Variants in GRM7 observed in about 807,000 individuals in gnomAD.
The protein encoded by GRM7 is metabotropic glutamate receptor 7.
Under a neutral mutation model 84.5 loss-of-function variants are expected in GRM7, and 35 were observed. The ratio of observed to expected loss-of-function variants is 0.41; its 90% CI spans 0.32 to 0.55. GRM7 has a LOEUF of 0.55. Ranked by LOEUF, GRM7 falls within the 20% of genes least tolerant of loss-of-function variation. The pLI, the probability that GRM7 is intolerant of heterozygous loss-of-function variation, is 0.19. For missense variants in GRM7, 1,003 were observed against 1,194.6 expected (o/e 0.84, Z 2.36); for synonymous variants, 487 against 455.1 (o/e 1.07, Z -0.89).
At chr3:7,474,296 T>G (rs1698830224) in intron 7 of GRM7, among the ~76,000 whole-genome samples, 2 of 152,104 alleles carry the variant, frequency 1.3e-5, no homozygotes, top group South Asian at 4.1e-4. Flanking sequence ...CTGAAAGAAT[T>G]CATTTTTCTC....
intron 5 of GRM7, among the ~76,000 whole-genome samples, chr3:7,422,747 A>G (rs1220838621): frequency 6.6e-6 from 1 of 151,928 alleles, no homozygotes; most frequent in Non-Finnish European, 1.5e-5. Flanking sequence ...TATTATTATT[A>G]TTTTCTTTTT....
At chr3:7,718,663 G>C (rs375278560) in intron 9 of GRM7, among the ~76,000 whole-genome samples, 2 of 152,128 alleles carry the variant, frequency 1.3e-5, no homozygotes, top group African/African-American at 2.4e-5. Context: ...CAGAAGACCA[G>C]GCCTACCTGG....
intron 1 of GRM7, among the ~76,000 whole-genome samples, chr3:6,979,536 TA>T (rs34432411): frequency 0.048 from 7,344 of 152,176 alleles, 614 homozygotes; most frequent in African/African-American, 0.17. Flanking sequence ...TATTAACAGC[TA>T]AAAAAGTCAA....
chr3:7,075,930 CT>C (rs1173251953), intron 1 of GRM7, among the ~76,000 whole-genome samples: 1 of 145,554 alleles, frequency 6.9e-6, no homozygotes, highest in African/African-American at 2.8e-5. Context: ...ACAAAACTGA[CT>C]TTTAATTTTT....
intron 1 of GRM7, among the ~76,000 whole-genome samples, chr3:6,968,822 A>G (rs1016292988): frequency 6.6e-6 from 1 of 152,110 alleles, no homozygotes. Context: ...GCACTTAACC[A>G]TTGTTACCCA....
intron 2 of GRM7, among the ~76,000 whole-genome samples, chr3:7,232,986 G>C (rs1697242194): frequency 6.6e-6 from 1 of 152,136 alleles, no homozygotes; most frequent in Non-Finnish European, 1.5e-5. Context: ...GAGCTCGTCT[G>C]AACACAGACT....
chr3:7,367,348 T>C (rs1436740051), intron 4 of GRM7, among the ~76,000 whole-genome samples: 2 of 151,898 alleles, frequency 1.3e-5, no homozygotes, highest in Non-Finnish European at 2.9e-5. Context: ...TTAATATCAT[T>C]GAATTCTTTT....
chr3:7,094,566 G>C (rs995810284), intron 1 of GRM7, among the ~76,000 whole-genome samples: 1 of 152,096 alleles, frequency 6.6e-6, no homozygotes, highest in African/African-American at 2.4e-5. Flanking sequence ...CCCTGTACTA[G>C]TTGCACTCCC....
At chr3:6,934,479 C>T (rs974602296) in intron 1 of GRM7, among the ~76,000 whole-genome samples, 32 of 151,924 alleles carry the variant, frequency 2.1e-4, no homozygotes, top group African/African-American at 5.6e-4. Flanking sequence ...CATTACAATT[C>T]GGAGTTAGTT....
intron 8 of GRM7, chr3:7,636,206 T>C (rs1204568638): frequency 2.2e-6 from 1 of 456,722 alleles, no homozygotes; most frequent in African/African-American, 2.0e-5. Context: ...AAGATTTAAC[T>C]TGAGCCTCAA....
intron 1 of GRM7, among the ~76,000 whole-genome samples, chr3:7,085,789 T>A (rs1471334445): frequency 6.6e-6 from 1 of 152,108 alleles, no homozygotes; most frequent in Non-Finnish European, 1.5e-5. Flanking sequence ...TTCAGCTGGA[T>A]GTGGAACCTA....
chr3:6,988,619 A>G (rs894390045), intron 1 of GRM7, among the ~76,000 whole-genome samples: 1 of 152,082 alleles, frequency 6.6e-6, no homozygotes, highest in Non-Finnish European at 1.5e-5. Context: ...TTTTCCCCCT[A>G]TTAAAATTGT....
chr3:7,437,570 A>G (rs889121133), intron 5 of GRM7, among the ~76,000 whole-genome samples: 6 of 151,920 alleles, frequency 3.9e-5, no homozygotes, highest in African/African-American at 1.5e-4. Context: ...GGTCTTCTTC[A>G]TTTCTTAACT....
chr3:7,689,192 G>A (rs1416226522), intron 9 of GRM7, among the ~76,000 whole-genome samples: 1 of 152,160 alleles, frequency 6.6e-6, no homozygotes, highest in Non-Finnish European at 1.5e-5. Flanking sequence ...TAAGCCTTGC[G>A]AGAATGCCAA....
chr3:7,511,971 G>A lies in GRM7; in HGVS notation c.1515+50249G>A, dbSNP rs532253698. On this transcript the variant is annotated intron_variant, in intron 7 of 9. Coordinates refer to ENST00000357716, the MANE Select transcript of GRM7 (RefSeq NM_000844.4). ...AGCCTGGGCCACATAGTGAGACACT[G>A]TCTCCACAAAAATAATAAAAAATAT... Among the ~76,000 whole-genome samples the A allele has an allele frequency of 1.4e-4, 21 of 152,088 alleles. No individual in the cohort carries two copies. In the South Asian group the frequency reaches 4.4e-3, roughly 32 times the overall value.
chr3:6,974,114 G>C (rs191086685), intron 1 of GRM7, among the ~76,000 whole-genome samples: 1 of 152,148 alleles, frequency 6.6e-6, no homozygotes, highest in Non-Finnish European at 1.5e-5. Context: ...TACCAAGAGA[G>C]AGGATGCAAA....
At chr3:7,291,178 A>G (rs542070402) in intron 2 of GRM7, among the ~76,000 whole-genome samples, 22 of 151,666 alleles carry the variant, frequency 1.5e-4, no homozygotes, top group Admixed American at 3.3e-4. Flanking sequence ...TCGTCCTTCT[A>G]TACTGAGCTT....
chr3:7,300,415 G>A (rs184788182), intron 3 of GRM7, among the ~76,000 whole-genome samples: 2 of 152,156 alleles, frequency 1.3e-5, no homozygotes, highest in Non-Finnish European at 2.9e-5. Context: ...TTTTAAATGA[G>A]GATTACTTGC....
intron 1 of GRM7, among the ~76,000 whole-genome samples, chr3:7,076,267 C>G (rs1375304605): frequency 6.6e-6 from 1 of 152,080 alleles, no homozygotes; most frequent in African/African-American, 2.4e-5. Flanking sequence ...CTTCCTGCAC[C>G]TGATATGGTT....
Sources: allele counts gnomAD v4.1 joint callset (sites outside exome capture counted in the v4.1 genomes callset), GRCh38; gene constraint gnomAD v4.1.1; transcripts MANE v1.5; gene names NCBI Gene and HGNC (gene_info 2026-07-23, HGNC 2026-07-21).